Variants in CAPN9 observed in about 807,000 individuals in gnomAD.
CAPN9 encodes calpain 9.
Under a neutral mutation model 92.8 loss-of-function variants are expected in CAPN9, and 81 were observed. The observed-to-expected ratio is 0.87, with a 90% CI of 0.73 to 1.05. The LOEUF (loss-of-function observed/expected upper bound fraction) is 1.05. Among genes scored for constraint, CAPN9 ranks in the 50% least tolerant of loss-of-function variants. CAPN9 has a pLI of 0.00. For synonymous variants in CAPN9, 304 were observed against 328.0 expected (o/e 0.93, Z 0.79); for missense variants, 848 against 866.2 (o/e 0.98, Z 0.26).
rs1317802113 is a variant in CAPN9, at chr1:230,771,232, T to C, written c.790-782T>C. On this transcript the variant is annotated intron_variant, in intron 6 of 19. Transcript: ENST00000271971. ...CCGAAGAGTTGATGTTACTTGAATT[T>C]TTACACATCCAAAATATAATTTATG... Among the ~76,000 whole-genome samples, 5 of 152,334 alleles carry C rather than the reference T, an allele frequency of 3.3e-5. No individual in the cohort carries two copies. The East Asian group carries it at 9.7e-4, about 29-fold the overall frequency.
At chr1:230,758,874 C>T (rs1266255610) in intron 2 of CAPN9, among the ~76,000 whole-genome samples, 1 of 152,222 alleles carries the variant, frequency 6.6e-6, no homozygotes, top group Non-Finnish European at 1.5e-5. Context: ...AAAGGAATGC[C>T]TCCAGGAGTC....
chr1:230,801,156 G>A (rs1458999175), intron 19 of CAPN9, among the ~76,000 whole-genome samples: 3 of 152,096 alleles, frequency 2.0e-5, no homozygotes, highest in Non-Finnish European at 4.4e-5. Context: ...CCCAGCTATG[G>A]AACCTGCTTC....
At chr1:230,761,555 A>AACACACACACACACACACACACACACAC (rs147168033) in intron 3 of CAPN9, among the ~76,000 whole-genome samples, 178 of 150,616 alleles carry the variant, frequency 1.2e-3, no homozygotes, top group African/African-American at 4.3e-3. Context: ...TCTTCCTTAA[A>AACACACACACACACACACACACACACAC]ACACACACAC....
In CAPN9 at chr1:230,791,945, T is replaced by A. The variant is rs777884533; in HGVS notation, c.1722+17T>A. On this transcript the variant is annotated intron_variant, in intron 15 of 19. Transcript: ENST00000271971. The stretch of plus-strand genomic sequence containing the variant: ...CTGATGGACGTATCCTTCCAAATAT[T>A]TGAGCAGAAATAGACATGGATCCTG... 2 of 1,590,608 alleles carry A rather than the reference T, an allele frequency of 1.3e-6. No individual in the cohort carries two copies. Among genetic ancestry groups the A allele is most frequent in the East Asian group, 4.5e-5 (2 of 44,790 alleles).
intron 1 of CAPN9, among the ~76,000 whole-genome samples, 176 bp downstream of exon 1, chr1:230,747,885 C>T (rs542257436): frequency 2.0e-5 from 3 of 152,148 alleles, no homozygotes; most frequent in Non-Finnish European, 4.4e-5. Context: ...AATGTACAGG[C>T]CTGGGATGCT....
intron 7 of CAPN9, among the ~76,000 whole-genome samples, chr1:230,774,167 A>G (rs1053305721): frequency 6.6e-6 from 1 of 152,234 alleles, no homozygotes; most frequent in Non-Finnish European, 1.5e-5. Context: ...GGAAGGGCCA[A>G]GTACTGCTCC....
At chr1:230,769,802 C>T (rs926487609) in intron 6 of CAPN9, among the ~76,000 whole-genome samples, 11 of 152,092 alleles carry the variant, frequency 7.2e-5, no homozygotes, top group Admixed American at 4.6e-4. Flanking sequence ...GCCTACTCAA[C>T]ATGAAGATAA....
intron 12 of CAPN9, chr1:230,786,267 C>T: frequency 4.0e-6 from 2 of 498,574 alleles, no homozygotes; most frequent in Non-Finnish European, 5.2e-6. Flanking sequence ...TGTCATCTTC[C>T]TCTGTGCTAC....
rs1665711045 is a variant in CAPN9 at position 230,762,572 on chromosome 1, A to G, written c.403-81A>G. On this transcript the variant is annotated intron_variant, in intron 3 of 19. Transcript: ENST00000271971. ...AGCTTGGTCAGAGGGGAAAAAAGCA[A>G]CAGGATCAACATTTACAAACAGGGC... The G allele has an allele frequency of 3.3e-6, 5 of 1,527,688 alleles. No individual in the cohort carries two copies. In the African/African-American group the frequency reaches 5.5e-5, roughly 17 times the overall value. 94.6% of individuals were successfully genotyped at this position (1,527,688 alleles called of 1,614,324 possible).
intron 10 of CAPN9, 51 bp from the exon 11 acceptor site, chr1:230,780,449 A>T (rs775474989): frequency 1.9e-5 from 31 of 1,606,618 alleles, no homozygotes; most frequent in Non-Finnish European, 2.6e-5. Flanking sequence ...TGTGTCCGAA[A>T]AGCCAAGAGG....
At chr1:230,762,809 C>T (rs772248549) in intron 4 of CAPN9, 23 bp downstream of exon 4, 11 of 1,610,838 alleles carry the variant, frequency 6.8e-6, no homozygotes, top group Admixed American at 6.7e-5. Context: ...TTCCCCAGCT[C>T]AGGCAGCCTC....
At chr1:230,768,613 T>C (rs1372180524) in intron 5 of CAPN9, among the ~76,000 whole-genome samples, 1 of 151,972 alleles carries the variant, frequency 6.6e-6, no homozygotes, top group Non-Finnish European at 1.5e-5. Flanking sequence ...TTTTTTAAAA[T>C]TTTCTCTATG....
chr1:230,776,891 C>T (rs943065851), intron 8 of CAPN9: 2 of 152,234 alleles, frequency 1.3e-5, no homozygotes, highest in African/African-American at 2.4e-5. Context: ...AGTCTTGGTC[C>T]TGTGCTGATG....
intron 7 of CAPN9, among the ~76,000 whole-genome samples, chr1:230,772,329 C>T (rs1316575236): frequency 6.6e-6 from 1 of 152,156 alleles, no homozygotes; most frequent in African/African-American, 2.4e-5. Context: ...CTAACTTTCA[C>T]GAATTGTATT....
chr1:230,780,690 A>G lies in CAPN9; in HGVS notation c.1463A>G (p.Glu488Gly), dbSNP rs1048668429. ...EADFCLRIFS[E>G]KKAITRDMDG... Reference sequence around the variant, plus strand: ...GATTTCTGTCTGAGAATCTTTTCAGAGAAAAAAGCCATTACCCGGTGAGTC... The same window carrying G: ...GATTTCTGTCTGAGAATCTTTTCAGGGAAAAAAGCCATTACCCGGTGAGTC... The change falls in exon 11 of 20, where the codon GAG becomes GGG. Residue 488 changes from glutamate to glycine, a missense_variant. Transcript: ENST00000271971. 5 of 1,613,954 alleles carry G rather than the reference A, an allele frequency of 3.1e-6. No homozygotes were observed. The highest frequency in any genetic ancestry group is 2.7e-5 in the African/African-American group (2 of 74,870).
At position 230,747,611 on chromosome 1, in the gene CAPN9, A is replaced by G. The variant is rs1051092790; in HGVS notation, c.115A>G (p.Arg39Gly). The G allele has an allele frequency of 3.1e-6, 5 of 1,613,924 alleles. No individual in the cohort carries two copies. In the African/African-American group the frequency reaches 4.0e-5, roughly 13 times the overall value. Residue 39 changes from arginine (R) to glycine (G), a missense_variant, in exon 1 of 20, where the codon AGA becomes GGA. By Grantham distance (125) the Arg-to-Gly change is moderately radical. Transcript: ENST00000271971. ...GCAAATGAGGCAGGAGTGCCTGCAG[A>G]GAGGCACCCTGTTTGAGGATGCAGA... is the stretch of plus-strand genomic sequence containing the variant. ...FEQMRQECLQ[R>G]GTLFEDADFP... is the part of the protein sequence containing the mutation.
chr1:230,785,816 G>A (rs1051386867), intron 11 of CAPN9, among the ~76,000 whole-genome samples, 165 bp from the exon 12 acceptor site: 1 of 152,138 alleles, frequency 6.6e-6, no homozygotes, highest in African/African-American at 2.4e-5. Flanking sequence ...CTAAGGGTGG[G>A]GGTGTCAATG....
At chr1:230,793,552 C>T (rs917965871) in intron 17 of CAPN9, among the ~76,000 whole-genome samples, 6 of 152,200 alleles carry the variant, frequency 3.9e-5, no homozygotes, top group Non-Finnish European at 8.8e-5. Flanking sequence ...CACACACAAC[C>T]GTAGTTTCCA....
Position 230,780,396 on chromosome 1 carries a change from C to T in CAPN9, c.1272+60C>T, listed in dbSNP as rs529930206. On this transcript the variant is annotated intron_variant, in intron 10 of 19. Transcript: ENST00000271971. ...CATCTGAGTTCTAAATTCGCGGCTC[C>T]TCCTCGGTCTCACACCCGAGACTCA... 14 of 1,600,820 alleles carry T rather than the reference C, an allele frequency of 8.7e-6. No homozygotes were observed. In the Admixed American group the frequency reaches 1.8e-4, roughly 21 times the overall value.
Sources: allele counts gnomAD v4.1 joint callset (sites outside exome capture counted in the v4.1 genomes callset), GRCh38; gene constraint gnomAD v4.1.1; transcripts MANE v1.5; gene names NCBI Gene and HGNC (gene_info 2026-07-23, HGNC 2026-07-21).